OLFM4: variants seen among roughly 807,000 people sequenced by gnomAD.
OLFM4 encodes the protein olfactomedin-4.
OLFM4 carries 22 observed loss-of-function variants against 25.5 expected under a neutral mutation model. That is an observed-to-expected ratio of 0.86 (90% CI 0.62 to 1.23). The LOEUF is 1.23. Among genes scored for constraint, OLFM4 ranks in the 50% most tolerant of loss-of-function variants. The pLI, the probability that OLFM4 is intolerant of heterozygous loss-of-function variation, is 0.00. For missense variants in OLFM4, 594 were observed against 619.4 expected (o/e 0.96, Z 0.44); for synonymous variants, 255 against 237.7 (o/e 1.07, Z -0.67).
At chr13:53,044,144 C>T (rs539680966) in intron 4 of OLFM4, among the ~76,000 whole-genome samples, 73 of 152,270 alleles carry the variant, frequency 4.8e-4, no homozygotes, top group African/African-American at 1.6e-3. Flanking sequence ...AAGCTCGGAA[C>T]CTTATGATCG....
intron 3 of OLFM4, among the ~76,000 whole-genome samples, 154 bp downstream of exon 3, chr13:53,042,276 A>G (rs1954692039): frequency 6.6e-6 from 1 of 152,228 alleles, no homozygotes; most frequent in Admixed American, 6.5e-5. Context: ...TCTGTTTTGG[A>G]TAAGGGCATG....
Position 53,042,347 on chromosome 13 carries a change from A to C in OLFM4, c.570+225A>C, listed in dbSNP as rs1317037007. On this transcript the variant is annotated intron_variant, in intron 3 of 4. Transcript: ENST00000219022. ...CTGACTTAGGAGCAGATGTTGTCTA[A>C]TGGTCAGAATCCTGCCCCAGAATAA... Among the ~76,000 whole-genome samples, 4 of 152,322 alleles carry C rather than the reference A, an allele frequency of 2.6e-5. No individual in the cohort carries two copies. The East Asian group carries it at 7.7e-4, about 29-fold the overall frequency.
At chr13:53,035,051 A>G (rs1025688109) in intron 2 of OLFM4, among the ~76,000 whole-genome samples, 9 of 143,008 alleles carry the variant, frequency 6.3e-5, no homozygotes, top group Admixed American at 5.7e-4. Context: ...TTTGGGGGGG[A>G]CATTTTTGGG....
intron 2 of OLFM4, among the ~76,000 whole-genome samples, chr13:53,034,756 A>G (rs1236662867): frequency 6.6e-6 from 1 of 152,178 alleles, no homozygotes; most frequent in Non-Finnish European, 1.5e-5. Flanking sequence ...GTACTTAGGC[A>G]GTTGGAAAGA....
At chr13:53,047,256 G>A (rs1320120261) in intron 4 of OLFM4, among the ~76,000 whole-genome samples, 2 of 152,198 alleles carry the variant, frequency 1.3e-5, no homozygotes, top group Non-Finnish European at 2.9e-5. Flanking sequence ...GGGCTGGCAA[G>A]GAGCATGAGA....
At position 53,028,877 on chromosome 13, in the gene OLFM4, T is replaced by C. The variant is rs1954612387; in HGVS notation, c.41T>C (p.Phe14Ser). 1 of 1,614,118 alleles carries C rather than the reference T, an allele frequency of 6.2e-7. No homozygotes were observed. The highest frequency in any genetic ancestry group is 1.1e-5 in the South Asian group (1 of 91,088). ...TCATTTCTCCTAGCCCTTCTGTTCT[T>C]CCTTGGCCAAGCTGCAGGGGATTTG... ...GLSFLLALLF[F>S]LGQAAGDLGD... Residue 14 changes from phenylalanine (F) to serine (S), a missense_variant, in exon 1 of 5, where the codon TTC becomes TCC. Physicochemically the swap from Phe to Ser is radical, Grantham distance 155. Coordinates refer to ENST00000219022, the MANE Select transcript of OLFM4 (RefSeq NM_006418.5).
At chr13:53,033,868 G>A (rs1209110485) in intron 1 of OLFM4, among the ~76,000 whole-genome samples, 2 of 146,356 alleles carry the variant, frequency 1.4e-5, no homozygotes, top group Non-Finnish European at 3.1e-5. Flanking sequence ...AGACCACCCT[G>A]GCTAACACGG....
In OLFM4 at chr13:53,034,300, G is replaced by A. The variant is rs183072799; in HGVS notation, c.205-48G>A. ...ATTTCTGTCACTCCAGTTGCCAAAA[G>A]CTCAGATTCCAGCTTGTTATTGATG... On this transcript the variant is annotated intron_variant, in intron 1 of 4. Coordinates refer to ENST00000219022, the MANE Select transcript of OLFM4 (RefSeq NM_006418.5). 152 of 1,594,780 alleles carry A rather than the reference G, an allele frequency of 9.5e-5. No individual in the cohort carries two copies. The African/African-American group carries it at 1.9e-3, about 20-fold the overall frequency.
Position 53,051,594 on chromosome 13 carries a change from C to T in OLFM4, c.*823C>T, listed in dbSNP as rs1317064307. 4 of 152,060 alleles carry T rather than the reference C, an allele frequency of 2.6e-5. No homozygotes were observed. The highest frequency in any genetic ancestry group is 5.9e-5 in the Non-Finnish European group (4 of 67,998). The allele number at this position is 152,060 out of a possible 1,614,324, so 9.4% of individuals were successfully genotyped here. On this transcript the variant is annotated 3_prime_UTR_variant, in exon 5 of 5. Coordinates refer to ENST00000219022, the MANE Select transcript of OLFM4 (RefSeq NM_006418.5). ...CTACTTTAAAAAAATTAATAGTTTT[C>T]TATGGAACTGATCTAAGATTAGAAA...
rs1246618181 is a variant in OLFM4 at position 53,043,085 on chromosome 13, C to G, written c.571-20C>G. ...AATTGCACCATAATATAAAGTCACT[C>G]TGAATTTTTATTTCCTTAGATAAGA... On this transcript the variant is annotated intron_variant, in intron 3 of 4. Transcript: ENST00000219022. The G allele has an allele frequency of 3.2e-6, 5 of 1,564,890 alleles. No individual in the cohort carries two copies. Among genetic ancestry groups the G allele is most frequent in the Non-Finnish European group, 4.3e-6 (5 of 1,158,050 alleles).
rs1474284247 is a variant in OLFM4, at chr13:53,034,464, T to A, written c.321T>A (p.His107Gln). Residue 107 changes from histidine to glutamine, a missense_variant, in exon 2 of 5, where the codon CAT becomes CAA. Coordinates refer to ENST00000219022, the MANE Select transcript of OLFM4 (RefSeq NM_006418.5). ...DRVERLEFTA[H>Q]VLSQKFEKEL... ...TGGAACGCTTGGAATTCACAGCTCA[T>A]GTTCTTTCTCAGAAGTTTGAGAAAG... 1 of 1,613,658 alleles carries A rather than the reference T, an allele frequency of 6.2e-7. No homozygotes were observed. Among genetic ancestry groups the A allele is most frequent in the South Asian group, 1.1e-5 (1 of 90,804 alleles).
Position 53,042,016 on chromosome 13 carries a change from A to G in OLFM4, c.464A>G (p.Asp155Gly), listed in dbSNP as rs1336121015. 1 of 1,614,056 alleles carries G rather than the reference A, an allele frequency of 6.2e-7. No individual in the cohort carries two copies. The highest frequency in any genetic ancestry group is 1.3e-5 in the African/African-American group (1 of 75,052). ...GATACCATTTCTTACACTGAACTGG[A>G]CTTCGAGCTGATCAAGGTAGAAGTG... The part of the protein sequence containing the change: ...EKDTISYTEL[D>G]FELIKVEVKE... Residue 155 changes from aspartate (D) to glycine (G), a missense_variant, in exon 3 of 5, where the codon GAC (aspartate) becomes GGC (glycine). By Grantham distance (94) the Asp-to-Gly change is moderately conservative. Coordinates refer to ENST00000219022, the MANE Select transcript of OLFM4 (RefSeq NM_006418.5).
rs762456742 is a variant in OLFM4 at position 53,050,444 on chromosome 13, T to A, written c.1206T>A (p.Thr402=). 1 of 1,614,074 alleles carries A rather than the reference T, an allele frequency of 6.2e-7. No individual in the cohort carries two copies. Among genetic ancestry groups the A allele is most frequent in the Admixed American group, 1.7e-5 (1 of 60,006 alleles). The change falls in exon 5 of 5, where the codon ACT becomes ACA. Residue 402 remains threonine, a synonymous_variant. Transcript: ENST00000219022. ...LWVIYSTEAS[T]GNMVISKLND... ...TTATTTATTCAACTGAAGCCAGCAC[T>A]GGTAACATGGTGATTAGTAAACTCA...
chr13:53,034,494 T>A lies in OLFM4; in HGVS notation c.351T>A (p.Leu117=). 6.2e-7 allele frequency: 1 copy of A among 1,609,064 alleles called. No individual in the cohort carries two copies. Among genetic ancestry groups the A allele is most frequent in the Non-Finnish European group, 8.5e-7 (1 of 1,178,442 alleles). Residue 117 remains leucine, a synonymous_variant, in exon 2 of 5, where the codon CTT becomes CTA. Coordinates refer to ENST00000219022, the MANE Select transcript of OLFM4 (RefSeq NM_006418.5). ...HVLSQKFEKE[L]SKVREYVQLI... ...TTTCTCAGAAGTTTGAGAAAGAACT[T>A]TCCAAAGTAAGCATTTTCTTTTCAA... is the stretch of plus-strand genomic sequence containing the variant.
At chr13:53,044,332 A>T (rs1954703979) in intron 4 of OLFM4, among the ~76,000 whole-genome samples, 1 of 152,114 alleles carries the variant, frequency 6.6e-6, no homozygotes, top group Admixed American at 6.5e-5. Flanking sequence ...TGACACAGGG[A>T]CCTTCTCTCT....
At chr13:53,047,283 G>A (rs1434959709) in intron 4 of OLFM4, among the ~76,000 whole-genome samples, 1 of 152,194 alleles carries the variant, frequency 6.6e-6, no homozygotes, top group Non-Finnish European at 1.5e-5. Context: ...AGGGTGGTGA[G>A]AAGCTCAGTG....
chr13:53,034,135 T>C (rs1954644682), intron 1 of OLFM4, among the ~76,000 whole-genome samples: 1 of 151,846 alleles, frequency 6.6e-6, no homozygotes, highest in African/African-American at 2.4e-5. Flanking sequence ...GTAGTGGTTT[T>C]CGTACAACCA....
chr13:53,046,773 G>A (rs530974886), intron 4 of OLFM4, among the ~76,000 whole-genome samples: 10 of 152,166 alleles, frequency 6.6e-5, no homozygotes, highest in East Asian at 1.9e-4. Flanking sequence ...TGTATTTTTC[G>A]TAACTATTTT....
chr13:53,040,376 T>G (rs1954680836), intron 2 of OLFM4, among the ~76,000 whole-genome samples: 1 of 152,262 alleles, frequency 6.6e-6, no homozygotes, highest in Admixed American at 6.5e-5. Flanking sequence ...ATGTGTACTC[T>G]ACAGGGCACA....
Sources: gnomAD v4.1 joint callset for allele counts (sites outside exome capture counted in the v4.1 genomes callset) on GRCh38, gnomAD v4.1.1 for gene constraint, MANE v1.5 for transcripts, NCBI Gene and HGNC (gene_info 2026-07-23, HGNC 2026-07-21) for gene names.